Variants in TOM1L2 observed in about 807,000 individuals in gnomAD.
TOM1L2 encodes the protein TOM1-like protein 2.
In TOM1L2, 31 loss-of-function variants were observed where a neutral mutation model predicts 67.9. The ratio of observed to expected loss-of-function variants is 0.46; its 90% CI spans 0.34 to 0.62. The LOEUF (loss-of-function observed/expected upper bound fraction) is 0.62, where lower values mean the gene tolerates loss of function less well. Among genes scored for constraint, TOM1L2 ranks in the 20% least tolerant of loss-of-function variants. The pLI is 0.01. For synonymous variants in TOM1L2, 256 were observed against 254.0 expected, an observed-to-expected ratio of 1.01 and a Z score of -0.07; for missense variants, 606 against 663.5, an observed-to-expected ratio of 0.91 and a Z score of 0.95.
At chr17:17,871,446 G>T (rs2037152136) in intron 7 of TOM1L2, among the ~76,000 whole-genome samples, 1 of 152,180 alleles carries the variant, frequency 6.6e-6, no homozygotes, top group Non-Finnish European at 1.5e-5. Context: ...GAGGCAGGCG[G>T]ATCACTTGAG....
chr17:17,949,767 G>C (rs796904384), intron 1 of TOM1L2, among the ~76,000 whole-genome samples: 2 of 152,380 alleles, frequency 1.3e-5, no homozygotes, highest in African/African-American at 4.8e-5. Flanking sequence ...ACTCCTCAGA[G>C]AGTGGCCTGC....
intron 1 of TOM1L2, among the ~76,000 whole-genome samples, chr17:17,955,274 C>G (rs1188500888): frequency 6.6e-6 from 1 of 150,994 alleles, no homozygotes; most frequent in Non-Finnish European, 1.5e-5. Flanking sequence ...GCCCTCACTT[C>G]TCAAACCACA....
At chr17:17,929,458 C>G (rs768907659) in intron 1 of TOM1L2, among the ~76,000 whole-genome samples, 7 of 152,144 alleles carry the variant, frequency 4.6e-5, no homozygotes, top group Admixed American at 1.3e-4. Context: ...GTGGAGAAAC[C>G]CCATCTCTAC....
intron 12 of TOM1L2, chr17:17,857,719 G>T (rs1206155904): frequency 2.4e-5 from 35 of 1,473,236 alleles, no homozygotes; most frequent in Non-Finnish European, 3.1e-5. Context: ...CTGTTACACA[G>T]GTAGGGGCTG....
At chr17:17,912,142 C>G (rs904564575) in intron 1 of TOM1L2, among the ~76,000 whole-genome samples, 8 of 152,288 alleles carry the variant, frequency 5.3e-5, no homozygotes, top group African/African-American at 1.9e-4. Context: ...CCACTGTCAT[C>G]ATGGCCGGTT....
At chr17:17,945,317 T>C (rs1382431244) in intron 1 of TOM1L2, among the ~76,000 whole-genome samples, 1 of 151,782 alleles carries the variant, frequency 6.6e-6, no homozygotes, top group Non-Finnish European at 1.5e-5. Context: ...CTCTCATTCC[T>C]TGATGAATTA....
At chr17:17,913,970 C>A (rs556314681) in intron 1 of TOM1L2, among the ~76,000 whole-genome samples, 1 of 152,144 alleles carries the variant, frequency 6.6e-6, no homozygotes, top group Non-Finnish European at 1.5e-5. Flanking sequence ...AGGGGAGAGA[C>A]TACTACCCCC....
chr17:17,909,979 T>C (rs1272510575), intron 1 of TOM1L2, among the ~76,000 whole-genome samples: 1 of 152,142 alleles, frequency 6.6e-6, no homozygotes, highest in African/African-American at 2.4e-5. Context: ...CAGTGAGATA[T>C]GATTGAGCCA....
chr17:17,881,576 T>C (rs1050956834), intron 6 of TOM1L2, among the ~76,000 whole-genome samples: 2 of 152,232 alleles, frequency 1.3e-5, no homozygotes, highest in African/African-American at 2.4e-5. Context: ...AGAGACCTTC[T>C]TTCCCACAGC....
intron 12 of TOM1L2, chr17:17,858,412 T>C (rs72838921): frequency 2.0e-5 from 3 of 152,740 alleles, no homozygotes; most frequent in African/African-American, 4.8e-5. Context: ...GTAGCTAGAA[T>C]GACTTTTTCT....
chr17:17,856,819 G>T (rs2036275809), intron 12 of TOM1L2, among the ~76,000 whole-genome samples: 1 of 152,196 alleles, frequency 6.6e-6, no homozygotes, highest in South Asian at 2.1e-4. Context: ...CCAGGCTCAG[G>T]CCACCTGAAC....
chr17:17,915,434 G>A (rs767508859), intron 1 of TOM1L2, among the ~76,000 whole-genome samples: 5 of 152,250 alleles, frequency 3.3e-5, no homozygotes, highest in Middle Eastern at 6.8e-3. Context: ...TACTGATGTT[G>A]AGCATTTTTT....
chr17:17,944,520 T>C (rs1204155460), intron 1 of TOM1L2, among the ~76,000 whole-genome samples: 1 of 152,236 alleles, frequency 6.6e-6, no homozygotes, highest in East Asian at 1.9e-4. Flanking sequence ...ATTTGGTGTC[T>C]TAGAAGCAAA....
rs1405415798 is a variant in TOM1L2 at position 17,908,740 on chromosome 17, T to C, written c.53-1209A>G. Reference sequence around the variant, plus strand: ...TGCAAGTCAAAAACACAATGAAATATCACCTCACACCCATTAGGATGGCTA... The same window carrying C: ...TGCAAGTCAAAAACACAATGAAATACCACCTCACACCCATTAGGATGGCTA... On this transcript the variant is annotated intron_variant, in intron 1 of 14. Coordinates refer to ENST00000379504, the MANE Select transcript of TOM1L2 (RefSeq NM_001082968.2). Among the ~76,000 whole-genome samples the C allele has an allele frequency of 6.6e-5, 10 of 152,138 alleles. No individual in the cohort carries two copies. The East Asian group carries it at 1.3e-3, about 21-fold the overall frequency.
At chr17:17,931,863 A>G (rs1289848262) in intron 1 of TOM1L2, among the ~76,000 whole-genome samples, 2 of 152,224 alleles carry the variant, frequency 1.3e-5, no homozygotes, top group African/African-American at 4.8e-5. Flanking sequence ...GTCAGAAAAT[A>G]ATTCTTATCA....
At chr17:17,896,565 G>A (rs1598288297) in intron 3 of TOM1L2, among the ~76,000 whole-genome samples, 1 of 152,330 alleles carries the variant, frequency 6.6e-6, no homozygotes, top group Middle Eastern at 3.4e-3. Flanking sequence ...ATCTGAGCAG[G>A]AGATCTAGGA....
chr17:17,959,239 TG>T (rs2041591079), intron 1 of TOM1L2, among the ~76,000 whole-genome samples: 2 of 152,162 alleles, frequency 1.3e-5, no homozygotes, highest in South Asian at 4.1e-4. Flanking sequence ...GCATGTGAAG[TG>T]GGGGCAGTCT....
intron 1 of TOM1L2, among the ~76,000 whole-genome samples, chr17:17,954,541 G>C (rs1452797139): frequency 6.6e-6 from 1 of 152,150 alleles, no homozygotes; most frequent in Non-Finnish European, 1.5e-5. Context: ...TCGAACTACT[G>C]ACCTCAGATG....
In TOM1L2 at chr17:17,869,471, C is replaced by T; in HGVS notation, c.780G>A (p.Glu260=). 4.4e-6 allele frequency: 7 copies of T among 1,604,814 alleles called. No individual in the cohort carries two copies. The highest frequency in any genetic ancestry group is 6.0e-6 in the Non-Finnish European group (7 of 1,175,102). ...EDSSDLELLQ[E]LNRTCRAMQQ... is the part of the protein sequence containing the mutation. ...GCATGGCCCGACAGGTCCTGTTGAG[C>T]TCCTAGGGAACACATGCACCTCTGG... Residue 260 remains glutamate, a splice_region_variant and synonymous_variant, in exon 8 of 15, where the codon GAG becomes GAA. Transcript: ENST00000379504.
Sources: allele counts gnomAD v4.1 joint callset (sites outside exome capture counted in the v4.1 genomes callset), GRCh38; gene constraint gnomAD v4.1.1; transcripts MANE v1.5; gene names NCBI Gene and HGNC (gene_info 2026-07-23, HGNC 2026-07-21).